The following TRAPPC9 variants were observed in gnomAD, a reference collection of about 807,000 sequenced individuals.
TRAPPC9 encodes IKK2 binding protein.
TRAPPC9 carries 83 observed loss-of-function variants against 124.0 expected under a neutral mutation model. The ratio of observed to expected loss-of-function variants is 0.67; its 90% CI spans 0.56 to 0.80. The LOEUF is 0.80. TRAPPC9 is among the 30% of genes least tolerant of loss of function. The pLI is 0.00. For missense variants in TRAPPC9, 1,302 were observed against 1,508.3 expected, an observed-to-expected ratio of 0.86 and a Z score of 2.27; for synonymous variants, 638 against 617.5, an observed-to-expected ratio of 1.03 and a Z score of -0.49.
chr8:139,891,030 A>C (rs1424369726), intron 20 of TRAPPC9, among the ~76,000 whole-genome samples: 1 of 152,160 alleles, frequency 6.6e-6, no homozygotes, highest in Non-Finnish European at 1.5e-5. Flanking sequence ...ATGCCTGAGT[A>C]AACGGCAACC....
At chr8:140,095,965 G>A (rs912701443) in intron 17 of TRAPPC9, 1 of 152,122 alleles carries the variant, frequency 6.6e-6, no homozygotes, top group East Asian at 1.9e-4. Flanking sequence ...TTCATTTTGG[G>A]TCTGCTTTCC....
Position 139,729,733 on chromosome 8 carries a change from G to A in TRAPPC9, c.*1328C>T, listed in dbSNP as rs1439154354. 1.3e-5 allele frequency among the ~76,000 whole-genome samples: 2 copies of A among 152,228 alleles called. No individual in the cohort carries two copies. The highest frequency in any genetic ancestry group is 2.4e-5 in the African/African-American group (1 of 41,456). ...GTCCTCAGGAAGTTCCCTCAGCCCCGCAGGCCTCCTGATGCCAACATGACT... is the reference window on the plus strand; with the variant it reads ...GTCCTCAGGAAGTTCCCTCAGCCCCACAGGCCTCCTGATGCCAACATGACT... On this transcript the variant is annotated 3_prime_UTR_variant, in exon 23 of 23. Coordinates refer to ENST00000438773, the MANE Select transcript of TRAPPC9 (RefSeq NM_001160372.4).
At position 140,350,402 on chromosome 8, in the gene TRAPPC9, A is replaced by G. The variant is rs368961615; in HGVS notation, c.1495+9648T>C. On this transcript the variant is annotated intron_variant, in intron 9 of 22. Coordinates refer to ENST00000438773, the MANE Select transcript of TRAPPC9 (RefSeq NM_001160372.4). ...CATTAGCAAACCAGATGGGGAAGTG[A>G]CATTTAGACTTCTCCTAAACAGCCA... Among the ~76,000 whole-genome samples the G allele has an allele frequency of 9.7e-4, 148 of 152,348 alleles. 1 individual carries two copies. The South Asian group carries it at 0.021, about 22-fold the overall frequency.
chr8:140,187,677 G>T (rs2062382805), intron 17 of TRAPPC9, among the ~76,000 whole-genome samples: 1 of 152,044 alleles, frequency 6.6e-6, no homozygotes, highest in African/African-American at 2.4e-5. Flanking sequence ...GCCTTTCCCT[G>T]TTGGTGGTTT....
intron 18 of TRAPPC9, among the ~76,000 whole-genome samples, chr8:139,990,871 G>A (rs976637824): frequency 2.6e-5 from 4 of 152,084 alleles, no homozygotes; most frequent in African/African-American, 9.7e-5. Flanking sequence ...ACAGGGGTGA[G>A]CCACGGCACC....
At chr8:140,424,204 C>A (rs185280061) in intron 5 of TRAPPC9, among the ~76,000 whole-genome samples, 61 of 152,008 alleles carry the variant, frequency 4.0e-4, no homozygotes, top group African/African-American at 1.4e-3. Flanking sequence ...ATAATAAGTG[C>A]AAACTGCTCA....
Position 139,730,729 on chromosome 8 carries a change from C to G in TRAPPC9, c.*332G>C. The G allele has an allele frequency of 2.6e-6, 1 of 380,346 alleles. No homozygotes were observed. Among genetic ancestry groups the G allele is most frequent in the Non-Finnish European group, 4.9e-6 (1 of 203,256 alleles). 23.6% of individuals were successfully genotyped at this position (380,346 alleles called of 1,614,324 possible). On this transcript the variant is annotated 3_prime_UTR_variant, in exon 23 of 23. Coordinates refer to ENST00000438773, the MANE Select transcript of TRAPPC9 (RefSeq NM_001160372.4). ...CTCTGCTGGGATGAGCAGCACAGCA[C>G]GGCTGGGGCCCCAGGTCACAGAAAT...
At chr8:139,772,763 T>C (rs942323355) in intron 21 of TRAPPC9, among the ~76,000 whole-genome samples, 5 of 152,158 alleles carry the variant, frequency 3.3e-5, no homozygotes, top group African/African-American at 1.2e-4. Flanking sequence ...CCCAGTACAA[T>C]ACCTTAGACA....
intron 17 of TRAPPC9, among the ~76,000 whole-genome samples, chr8:140,026,242 G>A (rs932776317): frequency 4.6e-5 from 7 of 152,084 alleles, no homozygotes; most frequent in African/African-American, 1.4e-4. Context: ...TCATCCATTC[G>A]TCTGTCAGCG....
intron 9 of TRAPPC9, among the ~76,000 whole-genome samples, chr8:140,332,793 C>T (rs1175318433): frequency 6.6e-6 from 1 of 152,110 alleles, no homozygotes; most frequent in Non-Finnish European, 1.5e-5. Context: ...TGTTATGTCA[C>T]ATGGAAAATC....
intron 19 of TRAPPC9, among the ~76,000 whole-genome samples, chr8:139,970,724 T>C (rs935239865): frequency 6.6e-6 from 1 of 152,140 alleles, no homozygotes; most frequent in Non-Finnish European, 1.5e-5. Flanking sequence ...TGGACCTAAG[T>C]GTCAAGGGCC....
chr8:140,386,521 A>G (rs2068758920), intron 7 of TRAPPC9, among the ~76,000 whole-genome samples: 1 of 152,160 alleles, frequency 6.6e-6, no homozygotes, highest in Non-Finnish European at 1.5e-5. Context: ...ATACACCAAT[A>G]ACAGACAAAC....
At chr8:140,454,403 C>T (rs987191606) in intron 1 of TRAPPC9, among the ~76,000 whole-genome samples, 2 of 152,030 alleles carry the variant, frequency 1.3e-5, no homozygotes, top group Admixed American at 6.6e-5. Context: ...CTTTGGGAGG[C>T]GGAGGCAGGC....
chr8:140,408,905 A>C (rs1051835756), intron 5 of TRAPPC9, among the ~76,000 whole-genome samples: 2 of 152,206 alleles, frequency 1.3e-5, no homozygotes, highest in Non-Finnish European at 2.9e-5. Context: ...CATAGTTCAA[A>C]AAACACAGGT....
Position 139,914,421 on chromosome 8 carries a change from C to T in TRAPPC9, c.2811-4121G>A, listed in dbSNP as rs151226614. The stretch of plus-strand genomic sequence containing the variant: ...TCTTCCAGAGAGGAAGGGCGGAAGG[C>T]GCTGAGGTGTAGCTGGCAGTGGCCT... On this transcript the variant is annotated intron_variant, in intron 19 of 22. Coordinates refer to ENST00000438773, the MANE Select transcript of TRAPPC9 (RefSeq NM_001160372.4). Among the ~76,000 whole-genome samples the T allele has an allele frequency of 6.9e-4, 105 of 152,350 alleles. 1 individual carries two copies. Among genetic ancestry groups the T allele is most frequent in the Middle Eastern group, 3.4e-3 (1 of 294 alleles).
intron 17 of TRAPPC9, among the ~76,000 whole-genome samples, chr8:140,215,454 G>C (rs913542658): frequency 2.9e-4 from 44 of 151,834 alleles, no homozygotes; most frequent in African/African-American, 1.0e-3. Context: ...ACCAGCCCAG[G>C]CAACACAGTG....
chr8:140,271,351 A>G (rs1412574868), intron 15 of TRAPPC9, among the ~76,000 whole-genome samples: 1 of 152,254 alleles, frequency 6.6e-6, no homozygotes, highest in African/African-American at 2.4e-5. Flanking sequence ...TTTAAAAGAA[A>G]AAATGATTAA....
At chr8:140,312,520 C>T (rs747811079) in intron 9 of TRAPPC9, among the ~76,000 whole-genome samples, 4 of 152,102 alleles carry the variant, frequency 2.6e-5, no homozygotes, top group Non-Finnish European at 4.4e-5. Context: ...ATGGCAGATA[C>T]GGTGCACTGA....
rs558788240 is a variant in TRAPPC9 at position 139,947,390 on chromosome 8, C to A, written c.2811-37090G>T. ...AAAGCAATGCTGTATTACTCAGCCG[C>A]CGGGAGCAAAGGACAGAAGAATGAC... is the stretch of plus-strand genomic sequence containing the variant. On this transcript the variant is annotated intron_variant, in intron 19 of 22. Transcript: ENST00000438773. Among the ~76,000 whole-genome samples the A allele has an allele frequency of 4.0e-3, 603 of 152,178 alleles. 3 individuals are homozygous for A. Among genetic ancestry groups the A allele is most frequent in the African/African-American group, 0.013 (545 of 41,512 alleles).
Sources: allele counts gnomAD v4.1 joint callset (sites outside exome capture counted in the v4.1 genomes callset), GRCh38; gene constraint gnomAD v4.1.1; transcripts MANE v1.5; gene names NCBI Gene and HGNC (gene_info 2026-07-23, HGNC 2026-07-21).